Variants in CTNNA2 observed in about 807,000 individuals in gnomAD.
The protein encoded by CTNNA2 is catenin alpha 2.
Under a neutral mutation model 101.0 loss-of-function variants are expected in CTNNA2, and 42 were observed. The ratio of observed to expected loss-of-function variants is 0.42; its 90% CI spans 0.32 to 0.54. The LOEUF (loss-of-function observed/expected upper bound fraction) is 0.54, where lower values mean the gene tolerates loss of function less well. Ranked by LOEUF, CTNNA2 falls within the 20% of genes least tolerant of loss-of-function variation. The probability of loss-of-function intolerance (pLI) is 0.14; values close to 1 mark genes in which losing one functional copy is unlikely to be tolerated. For missense variants in CTNNA2, 871 were observed against 1,223.1 expected (o/e 0.71, Z 4.29); for synonymous variants, 450 against 456.4 (o/e 0.99, Z 0.18).
intron 3 of CTNNA2, among the ~76,000 whole-genome samples, chr2:79,342,890 C>G (rs953939460): frequency 2.0e-5 from 3 of 152,172 alleles, no homozygotes; most frequent in Non-Finnish European, 2.9e-5. Context: ...TCCAATAATA[C>G]TCTTTAAGGG....
intron 9 of CTNNA2, among the ~76,000 whole-genome samples, chr2:80,482,289 A>G (rs1686212284): frequency 6.6e-6 from 1 of 152,042 alleles, no homozygotes; most frequent in African/African-American, 2.4e-5. Flanking sequence ...TCCCTCCAAT[A>G]AGGAAACTCT....
intron 2 of CTNNA2, among the ~76,000 whole-genome samples, chr2:79,723,373 A>T (rs1327794926): frequency 6.6e-6 from 1 of 152,204 alleles, no homozygotes; most frequent in African/African-American, 2.4e-5. Flanking sequence ...GCTTTTCCCT[A>T]CTGGTATCAG....
At chr2:79,756,806 A>C in intron 3 of CTNNA2, among the ~76,000 whole-genome samples, 1 of 152,212 alleles carries the variant, frequency 6.6e-6, no homozygotes, top group East Asian at 1.9e-4. Flanking sequence ...ATGGCAAATA[A>C]GCATAAGAAG....
chr2:80,501,125 A>T (rs1687850913), intron 9 of CTNNA2, among the ~76,000 whole-genome samples: 1 of 152,222 alleles, frequency 6.6e-6, no homozygotes, highest in Non-Finnish European at 1.5e-5. Flanking sequence ...AGGTCCAAAG[A>T]TTGCAATTTC....
chr2:79,592,642 C>G (rs1415832018), intron 1 of CTNNA2, among the ~76,000 whole-genome samples: 1 of 152,096 alleles, frequency 6.6e-6, no homozygotes, highest in African/African-American at 2.4e-5. Flanking sequence ...AGTAAAAAAC[C>G]TGGCTTGTGG....
At chr2:79,881,673 A>T (rs1351919112) in intron 6 of CTNNA2, among the ~76,000 whole-genome samples, 1 of 151,060 alleles carries the variant, frequency 6.6e-6, no homozygotes, top group East Asian at 1.9e-4. Flanking sequence ...GTTTTCCACC[A>T]TTCCTTTATT....
At chr2:80,166,064 A>G (rs935711019) in intron 7 of CTNNA2, among the ~76,000 whole-genome samples, 3 of 152,140 alleles carry the variant, frequency 2.0e-5, no homozygotes, top group Admixed American at 2.0e-4. Context: ...ATGTCATGAT[A>G]TTGTGATATA....
chr2:80,535,551 C>A (rs1690936063), intron 9 of CTNNA2, among the ~76,000 whole-genome samples: 1 of 152,144 alleles, frequency 6.6e-6, no homozygotes, highest in African/African-American at 2.4e-5. Context: ...AGAGTCAGAA[C>A]ATAAACCCTG....
chr2:80,389,462 CCT>C (rs1481248720), intron 7 of CTNNA2, among the ~76,000 whole-genome samples: 2 of 152,104 alleles, frequency 1.3e-5, no homozygotes, highest in African/African-American at 2.4e-5. Context: ...TTTCTCCTCT[CCT>C]CTTTCTCCCT....
At chr2:80,378,359 AAAATAAATAAAT>A (rs70940081) in intron 7 of CTNNA2, among the ~76,000 whole-genome samples, 4,283 of 126,892 alleles carry the variant, frequency 0.034, 187 homozygotes, top group African/African-American at 0.099. Flanking sequence ...TCTGTCTCAA[AAAATAAATAAAT>A]AAATAAATAA....
intron 7 of CTNNA2, among the ~76,000 whole-genome samples, chr2:80,098,480 C>G (rs1700321417): frequency 6.6e-6 from 1 of 152,214 alleles, no homozygotes; most frequent in African/African-American, 2.4e-5. Flanking sequence ...GGCAGTATCC[C>G]CGTTCTCGGA....
rs72820696 is a variant in CTNNA2, at chr2:79,597,107, C to T, written c.-5-54445C>T. ...TTAAATATTCACAAAATAAACTGTA[C>T]GTATATGCATGCACATGCCTTTTGT... On this transcript the variant is annotated intron_variant, in intron 1 of 18. Transcript: ENST00000402739. Among the ~76,000 whole-genome samples the T allele has an allele frequency of 5.6e-3, 860 of 152,278 alleles. 4 individuals carry two copies. The highest frequency in any genetic ancestry group is 6.3e-3 in the Non-Finnish European group (428 of 68,038).
chr2:80,411,386 T>A (rs1679559602), intron 8 of CTNNA2, among the ~76,000 whole-genome samples: 1 of 152,090 alleles, frequency 6.6e-6, no homozygotes, highest in South Asian at 2.1e-4. Context: ...GGACTCAGCA[T>A]CACTTCTACC....
At chr2:80,611,927 A>C (rs1306486405) in intron 17 of CTNNA2, among the ~76,000 whole-genome samples, 3 of 151,632 alleles carry the variant, frequency 2.0e-5, no homozygotes, top group Non-Finnish European at 3.0e-5. Context: ...AAATGTACAC[A>C]AAAATGGTAC....
At chr2:79,918,899 C>T (rs1004805449) in intron 7 of CTNNA2, among the ~76,000 whole-genome samples, 4 of 152,142 alleles carry the variant, frequency 2.6e-5, no homozygotes, top group African/African-American at 9.7e-5. Context: ...TACAGGGTTT[C>T]AAGTTTGCAA....
intron 7 of CTNNA2, among the ~76,000 whole-genome samples, chr2:80,102,171 G>T (rs891215142): frequency 6.6e-6 from 1 of 152,074 alleles, no homozygotes; most frequent in Admixed American, 6.5e-5. Flanking sequence ...ATCATTGAAG[G>T]CATCCACTCA....
chr2:80,094,542 G>T (rs1700017791), intron 7 of CTNNA2, among the ~76,000 whole-genome samples: 1 of 152,154 alleles, frequency 6.6e-6, no homozygotes, highest in Non-Finnish European at 1.5e-5. Flanking sequence ...ATTCTGTGAA[G>T]CAAGTCATTG....
At chr2:79,928,009 T>TG (rs1367436824) in intron 7 of CTNNA2, among the ~76,000 whole-genome samples, 2 of 152,288 alleles carry the variant, frequency 1.3e-5, no homozygotes, top group African/African-American at 2.4e-5. Flanking sequence ...TATTTCTTTG[T>TG]GGGAAAAAGG....
chr2:80,344,248 C>T (rs990627747), intron 7 of CTNNA2, among the ~76,000 whole-genome samples: 23 of 152,084 alleles, frequency 1.5e-4, no homozygotes, highest in Non-Finnish European at 4.4e-5. Context: ...TTAGGTCCTT[C>T]TCATCTCCCT....
Sources: allele counts gnomAD v4.1 joint callset (sites outside exome capture counted in the v4.1 genomes callset), GRCh38; gene constraint gnomAD v4.1.1; transcripts MANE v1.5; gene names NCBI Gene and HGNC (gene_info 2026-07-23, HGNC 2026-07-21).